The following ARMC8 variants were observed in gnomAD, a reference collection of about 807,000 sequenced individuals.
ARMC8 encodes the protein armadillo repeat containing 8.
A neutral mutation model predicts 99.3 loss-of-function variants in ARMC8; 20 were observed. That is an observed-to-expected ratio of 0.20 (90% confidence interval 0.14 to 0.29). The LOEUF (loss-of-function observed/expected upper bound fraction) is 0.29, where lower values mean the gene tolerates loss of function less well. Ranked by LOEUF, ARMC8 falls within the 10% of genes least tolerant of loss-of-function variation. The pLI is 1.00. For missense variants in ARMC8, 569 were observed against 809.5 expected, an observed-to-expected ratio of 0.70 and a Z score of 3.60; for synonymous variants, 263 against 278.3, an observed-to-expected ratio of 0.95 and a Z score of 0.55.
chr3:138,250,159 A>C (rs2047058247), intron 12 of ARMC8, among the ~76,000 whole-genome samples: 2 of 152,298 alleles, frequency 1.3e-5, no homozygotes, highest in South Asian at 4.1e-4. Flanking sequence ...GCAAAGAACA[A>C]GAATTTGTCT....
chr3:138,203,491 C>T (rs894076341), intron 1 of ARMC8, among the ~76,000 whole-genome samples: 1 of 152,122 alleles, frequency 6.6e-6, no homozygotes, highest in African/African-American at 2.4e-5. Context: ...TGGTTGTTGG[C>T]AGGTTTTAGT....
chr3:138,297,381 G>C lies in ARMC8; in HGVS notation c.*1489G>C, dbSNP rs146600810. The C allele has an allele frequency of 1.1e-4, 16 of 152,180 alleles. No individual in the cohort carries two copies. In the East Asian group the frequency reaches 3.1e-3, roughly 29 times the overall value. The allele number at this position is 152,180 out of a possible 1,614,324, so 9.4% of individuals were successfully genotyped here. A position where few individuals can be genotyped will look rare whatever the true frequency, so the allele number is the denominator to read the frequency against. ...TAGAAGCAGCCTACCTTTTCTCTTTGCTAAAAGAAGGTCAAAGGCTTCGCA... is the reference window on the plus strand; with the variant it reads ...TAGAAGCAGCCTACCTTTTCTCTTTCCTAAAAGAAGGTCAAAGGCTTCGCA... On this transcript the variant is annotated 3_prime_UTR_variant, in exon 22 of 22. Coordinates refer to ENST00000469044, the MANE Select transcript of ARMC8 (RefSeq NM_001363941.2).
At chr3:138,263,081 G>C (rs1450283992) in intron 12 of ARMC8, among the ~76,000 whole-genome samples, 2 of 152,222 alleles carry the variant, frequency 1.3e-5, no homozygotes, top group Non-Finnish European at 2.9e-5. Context: ...ATATGAAAAG[G>C]CTGTTTTTCA....
chr3:138,270,102 T>A lies in ARMC8; in HGVS notation c.1449T>A (p.Ala483=). ...GATTAACTCAGAGTGAAAATCCTGC[T>A]TTACGAGTGAATGGAATTTGGGCTT... ...LCGLTQSENP[A]LRVNGIWALM... Residue 483 remains alanine, a synonymous_variant, in exon 16 of 22, where the codon GCT becomes GCA. Transcript: ENST00000469044. 1.2e-6 allele frequency: 2 copies of A among 1,613,570 alleles called. No individual in the cohort carries two copies. Among genetic ancestry groups the A allele is most frequent in the South Asian group, 2.2e-5 (2 of 91,060 alleles).
intron 5 of ARMC8, among the ~76,000 whole-genome samples, chr3:138,228,128 C>T (rs1247660657): frequency 1.3e-5 from 2 of 152,092 alleles, no homozygotes; most frequent in Non-Finnish European, 2.9e-5. Context: ...TACAGGCATG[C>T]GCCATGATGG....
chr3:138,273,559 C>A (rs1379243927), intron 17 of ARMC8, among the ~76,000 whole-genome samples: 3 of 152,108 alleles, frequency 2.0e-5, no homozygotes, highest in Admixed American at 2.0e-4. Context: ...CTGAAGATGC[C>A]AGTGTAGAAA....
rs2050573986 is a variant in ARMC8, at chr3:138,287,823, C to T, written c.1822-1225C>T. On this transcript the variant is annotated intron_variant, in intron 19 of 21. Coordinates refer to ENST00000469044, the MANE Select transcript of ARMC8 (RefSeq NM_001363941.2). Reference sequence around the variant, plus strand: ...TTGAGCATATTTTGCCATTGATACTCTCTCAGATGTGCATAAATTATTTGA... The same window carrying T: ...TTGAGCATATTTTGCCATTGATACTTTCTCAGATGTGCATAAATTATTTGA... 66 of 349,050 alleles carry T rather than the reference C, an allele frequency of 1.9e-4. 1 individual carries two copies. The highest frequency in any genetic ancestry group is 1.4e-3 in the South Asian group (62 of 43,360). The allele number at this position is 349,050 out of a possible 1,614,324, so 21.6% of individuals were successfully genotyped here.
intron 2 of ARMC8, among the ~76,000 whole-genome samples, chr3:138,218,828 A>G (rs1365976055): frequency 1.3e-5 from 2 of 152,166 alleles, no homozygotes; most frequent in Non-Finnish European, 2.9e-5. Flanking sequence ...ATTTTTCCCA[A>G]CATTAAAAGT....
At chr3:138,205,070 T>TC (rs2044290807) in intron 1 of ARMC8, among the ~76,000 whole-genome samples, 2 of 134,680 alleles carry the variant, frequency 1.5e-5, no homozygotes, top group Non-Finnish European at 3.2e-5. Flanking sequence ...CTTTTTTTTT[T>TC]TTTTTTTTTT....
rs771921655 is a variant in ARMC8 at position 138,264,894 on chromosome 3, ATT to A, written c.1299+697_1299+698del. Reference sequence around the variant, plus strand: ...TGTTCTTAGTCTCGGCAATCCCTGGATTTTTTTTTTTTTTTTAAATAGACACA... The same window carrying A: ...TGTTCTTAGTCTCGGCAATCCCTGGATTTTTTTTTTTTTTAAATAGACACA... On this transcript the variant is annotated intron_variant, in intron 14 of 21. Coordinates refer to ENST00000469044, the MANE Select transcript of ARMC8 (RefSeq NM_001363941.2). Among the ~76,000 whole-genome samples, 895 of 140,098 alleles carry A rather than the reference ATT, an allele frequency of 6.4e-3. 11 individuals carry two copies. The highest frequency in any genetic ancestry group is 0.022 in the African/African-American group (833 of 38,680). 91.9% of individuals were successfully genotyped at this position (140,098 alleles called of 152,430 possible).
At chr3:138,198,819 C>T (rs1213429984) in intron 1 of ARMC8, among the ~76,000 whole-genome samples, 6 of 151,950 alleles carry the variant, frequency 3.9e-5, no homozygotes, top group African/African-American at 1.4e-4. Context: ...GCCATATAGC[C>T]TTATATTTTA....
intron 14 of ARMC8, 25 bp from the exon 15 acceptor site, chr3:138,267,130 G>A (rs761891424): frequency 1.2e-5 from 15 of 1,215,666 alleles, no homozygotes; most frequent in Admixed American, 2.3e-5. Context: ...CAAATCATTA[G>A]TAGTATCCTT....
intron 5 of ARMC8, among the ~76,000 whole-genome samples, chr3:138,227,876 T>G (rs2045775591): frequency 6.6e-6 from 1 of 152,224 alleles, no homozygotes; most frequent in Non-Finnish European, 1.5e-5. Context: ...ATAACTTTTG[T>G]GATGTCATTG....
In ARMC8 at chr3:138,235,048, A is replaced by C; in HGVS notation, c.543A>C (p.Gln181His). 1 of 1,613,790 alleles carries C rather than the reference A, an allele frequency of 6.2e-7. No individual in the cohort carries two copies. The highest frequency in any genetic ancestry group is 8.5e-7 in the Non-Finnish European group (1 of 1,179,786). The change falls in exon 7 of 22, where the codon CAA (glutamine) becomes CAC (histidine). Residue 181 changes from glutamine (Q) to histidine (H), a missense_variant. By Grantham distance (24) the Gln-to-His change is conservative (BLOSUM62 0). Coordinates refer to ENST00000469044, the MANE Select transcript of ARMC8 (RefSeq NM_001363941.2). ...TTTTCTTACAGGGGCCAGATCATCAAACAATTTTATTTAACCACGGTGCAG... is the reference window on the plus strand; with the variant it reads ...TTTTCTTACAGGGGCCAGATCATCACACAATTTTATTTAACCACGGTGCAG... Reference protein sequence around the residue: ...FSHCCKGPDHQTILFNHGAVQ... With the variant: ...FSHCCKGPDHHTILFNHGAVQ...
At chr3:138,247,918 T>TCAA (rs1333537592) in intron 12 of ARMC8, among the ~76,000 whole-genome samples, 3 of 152,246 alleles carry the variant, frequency 2.0e-5, no homozygotes, top group African/African-American at 7.2e-5. Context: ...TAAATATTTG[T>TCAA]TGAATAAATA....
intron 20 of ARMC8, 84 bp from the exon 21 acceptor site, chr3:138,290,462 G>A: frequency 9.8e-7 from 1 of 1,022,420 alleles, no homozygotes; most frequent in African/African-American, 1.6e-5. Flanking sequence ...GAAGGACACT[G>A]GTAAGGCTCT....
At chr3:138,256,277 C>T (rs949929166) in intron 12 of ARMC8, among the ~76,000 whole-genome samples, 9 of 152,012 alleles carry the variant, frequency 5.9e-5, no homozygotes, top group Admixed American at 1.3e-4. Context: ...TTTTTCTTGG[C>T]TTATCTTTTC....
At chr3:138,291,743 G>T (rs1313989634) in intron 21 of ARMC8, among the ~76,000 whole-genome samples, 1 of 152,204 alleles carries the variant, frequency 6.6e-6, no homozygotes, top group East Asian at 1.9e-4. Context: ...TTTCATCTGG[G>T]CAAATGCATA....
At chr3:138,242,551 A>G (rs1325112969) in intron 11 of ARMC8, among the ~76,000 whole-genome samples, 1 of 152,270 alleles carries the variant, frequency 6.6e-6, no homozygotes, top group Non-Finnish European at 1.5e-5. Context: ...ATAGATCGGT[A>G]TTTATTTTGA....
Sources: gnomAD v4.1 joint callset for allele counts (sites outside exome capture counted in the v4.1 genomes callset) on GRCh38, gnomAD v4.1.1 for gene constraint, MANE v1.5 for transcripts, NCBI Gene and HGNC (gene_info 2026-07-23, HGNC 2026-07-21) for gene names.